The following TMCO6 variants were observed in gnomAD, a reference collection of about 807,000 sequenced individuals.
TMCO6 encodes the protein transmembrane and coiled-coil domain-containing protein 6.
Under a neutral mutation model 61.8 loss-of-function variants are expected in TMCO6, and 47 were observed. That is an observed-to-expected ratio of 0.76 (90% CI 0.60 to 0.97). The LOEUF is 0.97. Among genes scored for constraint, TMCO6 ranks in the 50% least tolerant of loss-of-function variants. The pLI is 0.00. For missense variants in TMCO6, 557 were observed against 601.6 expected, an observed-to-expected ratio of 0.93 and a Z score of 0.78; for synonymous variants, 261 against 254.2, an observed-to-expected ratio of 1.03 and a Z score of -0.25.
At chr5:140,612,781 T>A in the TMCO6 span, among the ~76,000 whole-genome samples, 8 of 152,194 alleles carry the variant, frequency 5.3e-5, no homozygotes, top group Non-Finnish European at 8.8e-5. Flanking sequence ...TGACACATAG[T>A]TTATGGTCTT....
chr5:140,623,377 T>C, the TMCO6 span, among the ~76,000 whole-genome samples: 1 of 147,768 alleles, frequency 6.8e-6, no homozygotes, highest in African/African-American at 2.4e-5. Flanking sequence ...TTCTCACTTC[T>C]GTAGCATGCT....
At chr5:140,632,823 G>T in the TMCO6 span, 1 of 1,613,936 alleles carries the variant, frequency 6.2e-7, no homozygotes. This position sits in a 1 kb window ranked among gnomAD's most constrained non-coding sequence, Gnocchi z 6.2. Context: ...CACCTCTACT[G>T]CAGACACACA....
chr5:140,623,988 A>G, the TMCO6 span, among the ~76,000 whole-genome samples: 19 of 152,050 alleles, frequency 1.2e-4, no homozygotes, highest in Non-Finnish European at 2.5e-4. Context: ...TCCTGATCCA[A>G]CTGTCACCAT....
At chr5:140,606,340 G>A in the TMCO6 span, among the ~76,000 whole-genome samples, 2 of 151,714 alleles carry the variant, frequency 1.3e-5, no homozygotes, top group African/African-American at 4.8e-5. Flanking sequence ...TGTAGAGATG[G>A]GGTCTGTCTA....
the TMCO6 span, among the ~76,000 whole-genome samples, chr5:140,623,156 G>T: frequency 6.6e-6 from 1 of 152,212 alleles, no homozygotes. Context: ...AAGAGAAAGA[G>T]CTGGAGTCCT....
chr5:140,635,315 A>G (rs1756743552), upstream of TMCO6, among the ~76,000 whole-genome samples: 2 of 152,234 alleles, frequency 1.3e-5, no homozygotes, highest in African/African-American at 4.8e-5. Flanking sequence ...TCCCAGCTTT[A>G]CGACTGAGGT....
chr5:140,643,607 A>C lies in TMCO6; in HGVS notation c.850A>C (p.Thr284Pro). Reference protein sequence around the residue: ...PLLIGHGALSTLGLLLLDLAG... With the variant: ...PLLIGHGALSPLGLLLLDLAG... ...GCTCATTGGCCATGGGGCTCTGTCT[A>C]CTCTGGGGTTGCTGCTGTTGGACTT... Residue 284 changes from threonine to proline, a missense_variant, in exon 8 of 12, where the codon ACT (threonine) becomes CCT (proline). By Grantham distance (38) the Thr-to-Pro change is conservative. Transcript: ENST00000394671. The C allele has an allele frequency of 6.2e-7, 1 of 1,613,960 alleles. No individual in the cohort carries two copies. Among genetic ancestry groups the C allele is most frequent in the Non-Finnish European group, 8.5e-7 (1 of 1,180,002 alleles).
At chr5:140,644,941 G>A in intron 11 of TMCO6, 44 bp from the exon 12 acceptor site, 1 of 1,594,232 alleles carries the variant, frequency 6.3e-7, no homozygotes, top group Non-Finnish European at 8.6e-7. Flanking sequence ...TTGAGTCTTA[G>A]GACACAGAGA....
At chr5:140,633,402 G>A in the TMCO6 span, 1 of 490,628 alleles carries the variant, frequency 2.0e-6, no homozygotes, top group South Asian at 2.1e-5. Flanking sequence ...TGACTCAGGC[G>A]CCCCAGGCGG....
the TMCO6 span, chr5:140,631,851 G>C: frequency 6.5e-7 from 1 of 1,543,656 alleles, no homozygotes; most frequent in Admixed American, 1.9e-5. Context: ...ATTCTGTCTT[G>C]GATCTTAGGC....
At chr5:140,608,372 G>C in the TMCO6 span, among the ~76,000 whole-genome samples, 1 of 152,114 alleles carries the variant, frequency 6.6e-6, no homozygotes, top group African/African-American at 2.4e-5. Flanking sequence ...TTGCCGAGTT[G>C]TAGGAATCCT....
chr5:140,639,581 G>A lies in TMCO6; in HGVS notation c.54G>A (p.Glu18=). The A allele has an allele frequency of 6.5e-7, 1 of 1,545,514 alleles. No individual in the cohort carries two copies. Among genetic ancestry groups the A allele is most frequent in the East Asian group, 2.4e-5 (1 of 40,832 alleles). The change falls in exon 1 of 12, where the codon GAG becomes GAA. Residue 18 remains glutamate, a synonymous_variant. Transcript: ENST00000394671. ...GGCCCACGGTCTGCGGGGTGGAGGAGCTACGGCGCCGCCGGCGGGAGCGGG... is the reference window on the plus strand; with the variant it reads ...GGCCCACGGTCTGCGGGGTGGAGGAACTACGGCGCCGCCGGCGGGAGCGGG... The part of the protein sequence containing the change: ...RLRPTVCGVE[E]LRRRRREREA...
the TMCO6 span, chr5:140,632,908 C>T: frequency 1.2e-6 from 2 of 1,614,086 alleles, no homozygotes; most frequent in Admixed American, 1.7e-5. This position sits in a 1 kb window ranked among gnomAD's most constrained non-coding sequence, Gnocchi z 6.2. Flanking sequence ...TCGTCCAGCT[C>T]ACAAGGTTCT....
chr5:140,598,989 T>C, the TMCO6 span, among the ~76,000 whole-genome samples: 5 of 152,160 alleles, frequency 3.3e-5, no homozygotes, highest in Admixed American at 3.3e-4. Flanking sequence ...TCAGACCCCA[T>C]TTGTAGCCCC....
chr5:140,631,686 C>T, the TMCO6 span: 4 of 644,498 alleles, frequency 6.2e-6, no homozygotes, highest in Non-Finnish European at 8.1e-6. Flanking sequence ...GTGCCCAGCA[C>T]ATAGCAGACA....
At chr5:140,643,261 A>C in intron 7 of TMCO6, 2 of 671,406 alleles carry the variant, frequency 3.0e-6, no homozygotes, top group Non-Finnish European at 4.9e-6. Flanking sequence ...CAGTGGTGCG[A>C]TCTCAGCTCA....
the TMCO6 span, chr5:140,633,265 C>A: frequency 1.0e-5 from 7 of 689,738 alleles, no homozygotes; most frequent in African/African-American, 1.8e-5. Context: ...CCCCACCTCT[C>A]TTCCTCCGAG....
chr5:140,630,607 T>C, the TMCO6 span, among the ~76,000 whole-genome samples: 1 of 152,230 alleles, frequency 6.6e-6, no homozygotes, highest in Admixed American at 6.5e-5. Flanking sequence ...TGATCAGAGC[T>C]ATTCAAGGGA....
At position 140,643,595 on chromosome 5, in the gene TMCO6, G is replaced by C. The variant is rs1371267115; in HGVS notation, c.838G>C (p.Gly280Arg). The C allele has an allele frequency of 1.9e-6, 3 of 1,614,170 alleles. No homozygotes were observed. The highest frequency in any genetic ancestry group is 2.5e-6 in the Non-Finnish European group (3 of 1,180,034). The change falls in exon 8 of 12, where the codon GGG becomes CGG. Residue 280 changes from glycine (G) to arginine (R), a missense_variant. Gly to Arg is a moderately radical substitution (Grantham distance 125, BLOSUM62 -2). Transcript: ENST00000394671. ...CAGCAATCCTCTGCTCATTGGCCAT[G>C]GGGCTCTGTCTACTCTGGGGTTGCT... ...QVSNPLLIGH[G>R]ALSTLGLLLL...
Sources: allele counts gnomAD v4.1 joint callset (sites outside exome capture counted in the v4.1 genomes callset), GRCh38; gene constraint gnomAD v4.1.1; non-coding constraint Gnocchi (gnomAD v3.1); transcripts MANE v1.5; gene names NCBI Gene and HGNC (gene_info 2026-07-23, HGNC 2026-07-21).